MEMO1: variants seen among roughly 807,000 people sequenced by gnomAD.
MEMO1 encodes mediator of cell motility 1.
A neutral mutation model predicts 45.2 loss-of-function variants in MEMO1; 6 were observed. That is an observed-to-expected ratio of 0.13 (90% CI 0.07 to 0.26). The LOEUF (loss-of-function observed/expected upper bound fraction) is 0.26, where lower values mean the gene tolerates loss of function less well. Ranked by LOEUF, MEMO1 falls within the 10% of genes least tolerant of loss-of-function variation. MEMO1 has a pLI of 1.00. For synonymous variants in MEMO1, 78 were observed against 124.3 expected (o/e 0.63, Z 2.48); for missense variants, 184 against 370.5 (o/e 0.50, Z 4.13).
chr2:31,985,534 C>A (rs1671158090), intron 2 of MEMO1, among the ~76,000 whole-genome samples: 1 of 152,096 alleles, frequency 6.6e-6, no homozygotes, highest in African/African-American at 2.4e-5. Context: ...CCATGTTGGC[C>A]AAGTTGGTCG....
At chr2:31,942,352 C>A (rs1307644149) in intron 3 of MEMO1, among the ~76,000 whole-genome samples, 1 of 152,070 alleles carries the variant, frequency 6.6e-6, no homozygotes, top group Non-Finnish European at 1.5e-5. Context: ...TAAATTAGAT[C>A]TCTTTAATAT....
At chr2:32,004,910 CAGTTAG>C (rs1673858951) in intron 2 of MEMO1, among the ~76,000 whole-genome samples, 1 of 148,158 alleles carries the variant, frequency 6.7e-6, no homozygotes, top group Non-Finnish European at 1.5e-5. Context: ...CTGGGCAACA[CAGTTAG>C]ACCCCGTTTC....
At chr2:31,949,642 CAAAAAA>C (rs549686329) in intron 2 of MEMO1, among the ~76,000 whole-genome samples, 17 of 108,972 alleles carry the variant, frequency 1.6e-4, no homozygotes, top group African/African-American at 4.7e-4. Flanking sequence ...TTAATGGGTA[CAAAAAA>C]AAAAAAAAAA....
chr2:31,991,571 CAAAA>C (rs11317637), intron 2 of MEMO1, among the ~76,000 whole-genome samples: 1 of 110,240 alleles, frequency 9.1e-6, no homozygotes, highest in Admixed American at 9.3e-5. Context: ...AACTCCGACT[CAAAA>C]AAAAAAAAAA....
chr2:31,922,343 GA>G (rs748280495), intron 4 of MEMO1, among the ~76,000 whole-genome samples: 1,422 of 118,598 alleles, frequency 0.012, 8 homozygotes, highest in African/African-American at 0.019. Context: ...GTTCTGCTAT[GA>G]AAAAAAAAAA....
intron 4 of MEMO1, among the ~76,000 whole-genome samples, chr2:31,930,857 C>G (rs903431293): frequency 6.8e-6 from 1 of 146,948 alleles, no homozygotes; most frequent in African/African-American, 2.6e-5. Flanking sequence ...CGGGGTTTCA[C>G]CATATTGGCC....
intron 6 of MEMO1, among the ~76,000 whole-genome samples, chr2:31,902,346 C>T (rs1328444951): frequency 2.0e-5 from 3 of 151,654 alleles, no homozygotes; most frequent in South Asian, 2.1e-4. Context: ...TGCGCTGAGC[C>T]GAGATCATGC....
intron 3 of MEMO1, among the ~76,000 whole-genome samples, chr2:31,935,357 G>C (rs1664786765): frequency 6.6e-6 from 1 of 152,116 alleles, no homozygotes; most frequent in Non-Finnish European, 1.5e-5. Context: ...CTACACGAAA[G>C]GATGAAAGTT....
intron 2 of MEMO1, among the ~76,000 whole-genome samples, chr2:31,963,719 A>G (rs1445477397): frequency 7.9e-5 from 12 of 152,204 alleles, no homozygotes; most frequent in Admixed American, 7.9e-4. Flanking sequence ...GGCTGCCAAT[A>G]GCACCACACC....
chr2:31,873,901 G>A (rs1430665171), intron 8 of MEMO1, among the ~76,000 whole-genome samples: 1 of 152,116 alleles, frequency 6.6e-6, no homozygotes, highest in Non-Finnish European at 1.5e-5. Flanking sequence ...GCTAAGTAAT[G>A]TACTAATAAA....
chr2:31,910,484 G>A (rs926494127), intron 6 of MEMO1, among the ~76,000 whole-genome samples: 1 of 152,204 alleles, frequency 6.6e-6, no homozygotes, highest in African/African-American at 2.4e-5. Flanking sequence ...ACAAATGACA[G>A]TAATGTCATA....
intron 2 of MEMO1, among the ~76,000 whole-genome samples, chr2:31,951,550 T>C (rs1373855492): frequency 6.6e-6 from 1 of 151,968 alleles, no homozygotes; most frequent in East Asian, 1.9e-4. Flanking sequence ...TATTTTTTAT[T>C]GAGACGGACT....
intron 6 of MEMO1, among the ~76,000 whole-genome samples, chr2:31,895,154 G>C (rs771572407): frequency 2.0e-5 from 3 of 152,142 alleles, no homozygotes; most frequent in Non-Finnish European, 2.9e-5. Flanking sequence ...GGGAAAAAAT[G>C]AGTAAAAACC....
At chr2:31,956,081 AG>A (rs1667382239) in intron 2 of MEMO1, among the ~76,000 whole-genome samples, 1 of 152,232 alleles carries the variant, frequency 6.6e-6, no homozygotes, top group Non-Finnish European at 1.5e-5. Flanking sequence ...AAATGCTTGA[AG>A]TTGAGTCGAC....
chr2:31,904,288 C>T (rs930965103), intron 6 of MEMO1, among the ~76,000 whole-genome samples: 11 of 152,294 alleles, frequency 7.2e-5, no homozygotes, highest in Admixed American at 2.0e-4. Context: ...CTGAATTCTG[C>T]TATACCAGCT....
chr2:31,949,655 A>AC (rs1666603563), intron 2 of MEMO1, among the ~76,000 whole-genome samples: 1 of 151,298 alleles, frequency 6.6e-6, no homozygotes, highest in Non-Finnish European at 1.5e-5. Context: ...AAAAAAAAAA[A>AC]AAAAAAACCA....
At chr2:31,988,863 GAAC>G (rs1460382392) in intron 2 of MEMO1, among the ~76,000 whole-genome samples, 1 of 152,102 alleles carries the variant, frequency 6.6e-6, no homozygotes, top group African/African-American at 2.4e-5. Flanking sequence ...TCTCTTGAAA[GAAC>G]AACTAGTTAC....
chr2:32,002,186 T>TACACACACACACAC (rs66840564), intron 2 of MEMO1, among the ~76,000 whole-genome samples: 108 of 115,838 alleles, frequency 9.3e-4, no homozygotes, highest in Non-Finnish European at 1.6e-3. Flanking sequence ...TATATATATA[T>TACACACACACACAC]ACACACACAC....
chr2:31,996,672 C>A (rs146588582), intron 2 of MEMO1, among the ~76,000 whole-genome samples: 2 of 152,060 alleles, frequency 1.3e-5, no homozygotes, highest in Non-Finnish European at 2.9e-5. Context: ...GATTCCAATA[C>A]AATAATCCAA....
Sources: gnomAD v4.1 joint callset for allele counts (sites outside exome capture counted in the v4.1 genomes callset) on GRCh38, gnomAD v4.1.1 for gene constraint, MANE v1.5 for transcripts, NCBI Gene and HGNC (gene_info 2026-07-23, HGNC 2026-07-21) for gene names.